Variants in KLF12 observed in about 807,000 individuals in gnomAD.
KLF12 encodes the protein Krueppel-like factor 12.
In KLF12, 9 loss-of-function variants were observed where a neutral mutation model predicts 37.8. That is an observed-to-expected ratio of 0.24 (90% CI 0.14 to 0.42). The LOEUF is 0.42. Among genes scored for constraint, KLF12 ranks in the 10% least tolerant of loss-of-function variants. The pLI, the probability that KLF12 is intolerant of heterozygous loss-of-function variation, is 1.00. For missense variants in KLF12, 411 were observed against 516.0 expected, an observed-to-expected ratio of 0.80 and a Z score of 1.97; for synonymous variants, 208 against 202.1, an observed-to-expected ratio of 1.03 and a Z score of -0.25.
At chr13:73,997,756 T>C (rs557971627) in intron 1 of KLF12, among the ~76,000 whole-genome samples, 18 of 152,382 alleles carry the variant, frequency 1.2e-4, no homozygotes, top group African/African-American at 4.3e-4. Context: ...CGCATGGTTT[T>C]GGTCCTCATT....
chr13:73,887,057 C>G (rs1359255545), intron 3 of KLF12, among the ~76,000 whole-genome samples: 1 of 151,226 alleles, frequency 6.6e-6, no homozygotes, highest in Non-Finnish European at 1.5e-5. Flanking sequence ...CAGAGCAAAA[C>G]CACTCACTCA....
the KLF12 span, among the ~76,000 whole-genome samples, chr13:74,286,718 A>C: frequency 6.6e-6 from 1 of 152,232 alleles, no homozygotes; most frequent in Non-Finnish European, 1.5e-5. Flanking sequence ...CAAAATCAGC[A>C]TCTGTGGTGT....
intron 6 of KLF12, among the ~76,000 whole-genome samples, chr13:73,736,100 A>G (rs67084452): frequency 0.18 from 27,789 of 151,972 alleles, 2,694 homozygotes; most frequent in Middle Eastern, 0.23. Context: ...TTGCATCAAG[A>G]TGAATCTCCT....
intron 1 of KLF12, among the ~76,000 whole-genome samples, chr13:73,996,167 T>C (rs1216413530): frequency 6.6e-6 from 1 of 152,250 alleles, no homozygotes; most frequent in Non-Finnish European, 1.5e-5. Flanking sequence ...TCTCTCTTGC[T>C]ATAACAATGT....
chr13:74,065,241 C>T (rs374586804), intron 1 of KLF12, among the ~76,000 whole-genome samples: 1 of 134,858 alleles, frequency 7.4e-6, no homozygotes, highest in African/African-American at 2.5e-5. Flanking sequence ...TATATATATA[C>T]ACACTGTATA....
chr13:73,869,666 A>T (rs1169893834), intron 3 of KLF12, among the ~76,000 whole-genome samples: 2 of 151,878 alleles, frequency 1.3e-5, no homozygotes, highest in Non-Finnish European at 2.9e-5. Flanking sequence ...TAATATACTC[A>T]GCATATAACA....
chr13:73,976,240 C>T lies in KLF12; in HGVS notation c.33+18750G>A, dbSNP rs76662261. Among the ~76,000 whole-genome samples the T allele has an allele frequency of 7.5e-3, 1,146 of 152,004 alleles. 18 individuals are homozygous for T. Among genetic ancestry groups the T allele is most frequent in the African/African-American group, 0.026 (1,082 of 41,454 alleles). On this transcript the variant is annotated intron_variant, in intron 2 of 7. Coordinates refer to ENST00000377669, the MANE Select transcript of KLF12 (RefSeq NM_007249.5). ...CAACAAGTATGAAAGTTGTTCTTCA[C>T]AGCAACTCTCAATACACTCTTGAAA... is the stretch of plus-strand genomic sequence containing the variant.
intron 6 of KLF12, among the ~76,000 whole-genome samples, chr13:73,729,632 C>G (rs943227796): frequency 4.6e-5 from 7 of 152,214 alleles, no homozygotes; most frequent in African/African-American, 1.4e-4. Flanking sequence ...GTTAAACCTC[C>G]TGTACCATAT....
At chr13:74,087,613 A>T (rs1463671237) in intron 1 of KLF12, among the ~76,000 whole-genome samples, 3 of 152,156 alleles carry the variant, frequency 2.0e-5, no homozygotes, top group African/African-American at 7.2e-5. Context: ...CGAAGAGTTA[A>T]TAATCTGATT....
At chr13:74,197,730 C>A in the KLF12 span, among the ~76,000 whole-genome samples, 2 of 152,170 alleles carry the variant, frequency 1.3e-5, no homozygotes, top group Non-Finnish European at 2.9e-5. Flanking sequence ...AGTTTTAAAA[C>A]CTTTCATAGT....
intron 6 of KLF12, among the ~76,000 whole-genome samples, chr13:73,732,993 G>A (rs965420350): frequency 6.6e-6 from 1 of 152,046 alleles, no homozygotes; most frequent in African/African-American, 2.4e-5. Flanking sequence ...GGACCTACAG[G>A]CTCAACCTCT....
chr13:73,929,743 A>C (rs574262321), intron 3 of KLF12, among the ~76,000 whole-genome samples: 7 of 152,318 alleles, frequency 4.6e-5, no homozygotes, highest in African/African-American at 7.2e-5. Flanking sequence ...CTCTGCCACA[A>C]CGCCGTTAAG....
chr13:74,185,896 G>A, the KLF12 span, among the ~76,000 whole-genome samples: 1 of 152,068 alleles, frequency 6.6e-6, no homozygotes, highest in Non-Finnish European at 1.5e-5. Flanking sequence ...TGCCTGCCTC[G>A]GCCTTGCAAA....
chr13:74,282,918 G>A, the KLF12 span, among the ~76,000 whole-genome samples: 1 of 152,056 alleles, frequency 6.6e-6, no homozygotes, highest in Admixed American at 6.5e-5. Context: ...TAACCTCCTA[G>A]TGTTCTATTT....
At chr13:73,899,948 T>C (rs73539910) in intron 3 of KLF12, among the ~76,000 whole-genome samples, 6,477 of 152,236 alleles carry the variant, frequency 0.043, 295 homozygotes, top group African/African-American at 0.12. Flanking sequence ...TCCTCTCATA[T>C]ATGTTGTATC....
chr13:73,736,061 T>C (rs1186812120), intron 6 of KLF12, among the ~76,000 whole-genome samples: 1 of 152,116 alleles, frequency 6.6e-6, no homozygotes. Flanking sequence ...TCACCTATGC[T>C]ATCCTGAGTA....
intron 3 of KLF12, among the ~76,000 whole-genome samples, chr13:73,937,894 A>G (rs1890020655): frequency 2.0e-5 from 3 of 152,142 alleles, no homozygotes; most frequent in South Asian, 2.1e-4. Context: ...GCAAGAGCAG[A>G]TATTTCTTTC....
intron 6 of KLF12, among the ~76,000 whole-genome samples, chr13:73,717,289 G>A (rs997671284): frequency 6.6e-6 from 1 of 152,142 alleles, no homozygotes; most frequent in Non-Finnish European, 1.5e-5. Flanking sequence ...TAGGCAAGAA[G>A]GAGAGACCCT....
chr13:74,068,475 T>C (rs1874041852), intron 1 of KLF12, among the ~76,000 whole-genome samples: 1 of 152,172 alleles, frequency 6.6e-6, no homozygotes, highest in Non-Finnish European at 1.5e-5. Context: ...TAGGGATTCA[T>C]GCTGGAAGAA....
Sources: allele counts gnomAD v4.1 joint callset (sites outside exome capture counted in the v4.1 genomes callset), GRCh38; gene constraint gnomAD v4.1.1; transcripts MANE v1.5; gene names NCBI Gene and HGNC (gene_info 2026-07-23, HGNC 2026-07-21).